PXT1: variants seen among roughly 807,000 people sequenced by gnomAD.
PXT1 encodes the protein peroxisomal testis enriched protein 1.
Under a neutral mutation model 11.0 loss-of-function variants are expected in PXT1, and 11 were observed. The ratio of observed to expected loss-of-function variants is 1.00; its 90% CI spans 0.63 to 1.66. The LOEUF (loss-of-function observed/expected upper bound fraction) is 1.66. Ranked by LOEUF, PXT1 falls within the 40% of genes most tolerant of loss-of-function variation. PXT1 has a pLI of 0.00. For synonymous variants in PXT1, 43 were observed against 51.4 expected (o/e 0.84, Z 0.70); for missense variants, 141 against 155.5 (o/e 0.91, Z 0.49).
rs555228549 is a variant in PXT1 at position 36,398,925 on chromosome 6, T to A, written c.300+1529A>T. On this transcript the variant is annotated intron_variant, in intron 4 of 4. Coordinates refer to ENST00000454782, the MANE Select transcript of PXT1 (RefSeq NM_152990.4). ...GGCTATTTATTGTTCATCTGCCTTGTTATCTGCCCCCTCCCCACATCATTT... is the reference window on the plus strand; with the variant it reads ...GGCTATTTATTGTTCATCTGCCTTGATATCTGCCCCCTCCCCACATCATTT... Among the ~76,000 whole-genome samples, 10 of 152,264 alleles carry A rather than the reference T, an allele frequency of 6.6e-5. 1 individual carries two copies. Among genetic ancestry groups the A allele is most frequent in the Admixed American group, 6.5e-4 (10 of 15,280 alleles).
At chr6:36,418,512 C>G (rs952777881) in intron 3 of PXT1, among the ~76,000 whole-genome samples, 2 of 152,140 alleles carry the variant, frequency 1.3e-5, no homozygotes, top group African/African-American at 4.8e-5. Flanking sequence ...GCTCTCTGTA[C>G]TAGTTGATTT....
intron 4 of PXT1, among the ~76,000 whole-genome samples, chr6:36,398,663 A>T (rs147265236): frequency 6.6e-6 from 1 of 152,312 alleles, no homozygotes; most frequent in African/African-American, 2.4e-5. Flanking sequence ...AAATGTCCAG[A>T]ATAGGCAAAT....
At chr6:36,395,389 A>G (rs1310787845) in intron 4 of PXT1, among the ~76,000 whole-genome samples, 1 of 152,090 alleles carries the variant, frequency 6.6e-6, no homozygotes, top group African/African-American at 2.4e-5. Flanking sequence ...AATGATGACT[A>G]TATAGGAAAG....
At chr6:36,430,762 C>T (rs1032184094) in intron 2 of PXT1, among the ~76,000 whole-genome samples, 1 of 152,118 alleles carries the variant, frequency 6.6e-6, no homozygotes, top group Non-Finnish European at 1.5e-5. Flanking sequence ...AATCTGAGTG[C>T]ATAATATTGT....
intron 3 of PXT1, among the ~76,000 whole-genome samples, chr6:36,406,472 G>A (rs1774293837): frequency 6.6e-6 from 1 of 152,042 alleles, no homozygotes; most frequent in Non-Finnish European, 1.5e-5. Context: ...AAAGGACAGG[G>A]GATGTTGGCT....
At chr6:36,418,076 G>A (rs1437761330) in intron 3 of PXT1, among the ~76,000 whole-genome samples, 3 of 151,906 alleles carry the variant, frequency 2.0e-5, no homozygotes, top group African/African-American at 7.3e-5. Context: ...GGCGCCTGTG[G>A]TCCCAGCTAC....
At chr6:36,415,928 A>G (rs1774440070) in intron 3 of PXT1, among the ~76,000 whole-genome samples, 1 of 152,174 alleles carries the variant, frequency 6.6e-6, no homozygotes, top group Non-Finnish European at 1.5e-5. Flanking sequence ...AGTGAGAGGA[A>G]GATTCAGGTA....
chr6:36,398,850 T>A (rs1206651176), intron 4 of PXT1, among the ~76,000 whole-genome samples: 4 of 152,146 alleles, frequency 2.6e-5, no homozygotes, highest in Non-Finnish European at 5.9e-5. Flanking sequence ...TCACTCTCCA[T>A]CAGTCAGTGT....
chr6:36,420,536 A>T (rs961797808), intron 3 of PXT1, among the ~76,000 whole-genome samples: 1 of 152,206 alleles, frequency 6.6e-6, no homozygotes, highest in Admixed American at 6.6e-5. Flanking sequence ...ATCTAAGAAC[A>T]ATAGTTGCCT....
intron 2 of PXT1, among the ~76,000 whole-genome samples, chr6:36,426,359 T>TC: frequency 2.2e-5 from 1 of 46,332 alleles, no homozygotes; most frequent in Non-Finnish European, 3.4e-5. Flanking sequence ...CTCTCGCTTT[T>TC]TTTTTTTTTT....
At chr6:36,436,096 TA>T (rs551965048) in intron 2 of PXT1, among the ~76,000 whole-genome samples, 1,937 of 34,000 alleles carry the variant, frequency 0.057, 51 homozygotes, top group African/African-American at 0.17. Context: ...AAAAATTAAT[TA>T]AAAAAAAAAG....
chr6:36,406,120 G>A (rs1469583571), intron 3 of PXT1, among the ~76,000 whole-genome samples: 1 of 152,182 alleles, frequency 6.6e-6, no homozygotes, highest in Non-Finnish European at 1.5e-5. Flanking sequence ...TTTTAAAGAT[G>A]CCAATCACTA....
intron 3 of PXT1, among the ~76,000 whole-genome samples, chr6:36,420,119 A>T (rs2127415204): frequency 6.6e-6 from 1 of 152,338 alleles, no homozygotes; most frequent in Middle Eastern, 3.4e-3. Flanking sequence ...AAGCCTGGAG[A>T]TACTCTCACA....
chr6:36,432,458 T>C (rs1355148376), intron 2 of PXT1, among the ~76,000 whole-genome samples: 3 of 152,092 alleles, frequency 2.0e-5, no homozygotes, highest in African/African-American at 7.2e-5. Context: ...CAAACCACAA[T>C]GCCTGAAAAT....
chr6:36,441,136 A>T (rs1017095926), intron 1 of PXT1, among the ~76,000 whole-genome samples: 1 of 151,996 alleles, frequency 6.6e-6, no homozygotes, highest in African/African-American at 2.4e-5. Context: ...AAAGAAAGAC[A>T]ATATACAAAT....
chr6:36,400,447 G>A lies in PXT1; in HGVS notation c.300+7C>T. Reference sequence around the variant, plus strand: ...ACAGGCCCTGGCTGGGGAAACTGAAGCCTCACCTCTCGAACCATCCTATGA... The same window carrying A: ...ACAGGCCCTGGCTGGGGAAACTGAAACCTCACCTCTCGAACCATCCTATGA... On this transcript the variant is annotated splice_region_variant and intron_variant, in intron 4 of 4. Transcript: ENST00000454782. 2 of 1,613,032 alleles carry A rather than the reference G, an allele frequency of 1.2e-6. No individual in the cohort carries two copies. The highest frequency in any genetic ancestry group is 1.7e-6 in the Non-Finnish European group (2 of 1,179,302).
intron 2 of PXT1, among the ~76,000 whole-genome samples, chr6:36,436,085 T>C (rs966748135): frequency 1.0e-4 from 3 of 29,120 alleles, no homozygotes; most frequent in Non-Finnish European, 2.3e-4. Context: ...ATTCATTTAA[T>C]AAAAATTAAT....
In PXT1 at chr6:36,423,664, A is replaced by G. The variant is rs951692501; in HGVS notation, c.169+2250T>C. 2.0e-5 allele frequency among the ~76,000 whole-genome samples: 3 copies of G among 152,116 alleles called. No individual in the cohort carries two copies. The South Asian group carries it at 6.2e-4, about 32-fold the overall frequency. On this transcript the variant is annotated intron_variant, in intron 3 of 4. Transcript: ENST00000454782. ...TCGTGCCCCCTCACACCGCCCCCTC[A>G]TTCCGCACATCCCTCATTTCTTCAG...
chr6:36,414,322 T>A (rs1774417173), intron 3 of PXT1, among the ~76,000 whole-genome samples: 1 of 152,134 alleles, frequency 6.6e-6, no homozygotes, highest in South Asian at 2.1e-4. Flanking sequence ...TGGAAGTGAT[T>A]GTATGGTTTA....
Sources: allele counts gnomAD v4.1 joint callset (sites outside exome capture counted in the v4.1 genomes callset), GRCh38; gene constraint gnomAD v4.1.1; transcripts MANE v1.5; gene names NCBI Gene and HGNC (gene_info 2026-07-23, HGNC 2026-07-21).